The following EFTUD2 variants were observed in gnomAD, a reference collection of about 807,000 sequenced individuals.
EFTUD2 encodes the protein elongation factor Tu GTP binding domain containing 2.
A neutral mutation model predicts 114.3 loss-of-function variants in EFTUD2; 9 were observed. That is an observed-to-expected ratio of 0.08 (90% CI 0.05 to 0.14). The LOEUF is 0.14. EFTUD2 is among the 10% of genes least tolerant of loss of function. The pLI, the probability that EFTUD2 is intolerant of heterozygous loss-of-function variation, is 1.00. For missense variants in EFTUD2, 765 were observed against 1,241.2 expected, an observed-to-expected ratio of 0.62 and a Z score of 5.76; for synonymous variants, 449 against 462.3, an observed-to-expected ratio of 0.97 and a Z score of 0.37.
intron 6 of EFTUD2, among the ~76,000 whole-genome samples, chr17:44,882,293 C>T (rs1386479627): frequency 1.3e-5 from 2 of 151,728 alleles, no homozygotes; most frequent in Admixed American, 6.6e-5. Flanking sequence ...ACTCAGTCGC[C>T]CAGACTAGAG....
In EFTUD2 at chr17:44,853,522, G is replaced by A; in HGVS notation, c.2461C>T (p.Leu821Phe). The change falls in exon 24 of 28, where the codon CTC becomes TTC. Residue 821 changes from leucine (L) to phenylalanine (F), a missense_variant. Physicochemically the swap from Leu to Phe is conservative, Grantham distance 22. Around this residue, in one of 6 missense-constraint regions of EFTUD2, gnomAD observed 166 missense variants for 401.5 expected, o/e 0.41. Coordinates refer to ENST00000426333, the MANE Select transcript of EFTUD2 (RefSeq NM_004247.4). ...CTACCGCCCCATTCTCTTACCATGA[G>A]GAAGGCAGAGTAGACGACTCTCCTG... Reference protein sequence around the residue: ...TARRVVYSAFLMATPRLMEPY... With the variant: ...TARRVVYSAFFMATPRLMEPY... 6.2e-7 allele frequency: 1 copy of A among 1,614,206 alleles called. No individual in the cohort carries two copies. Among genetic ancestry groups the A allele is most frequent in the Non-Finnish European group, 8.5e-7 (1 of 1,180,018 alleles).
At position 44,864,974 on chromosome 17, in the gene EFTUD2, G is replaced by A. The variant is rs1357920502; in HGVS notation, c.1241C>T (p.Pro414Leu). The change falls in exon 14 of 28, where the codon CCC becomes CTC. Residue 414 changes from proline (P) to leucine (L), a missense_variant. Coordinates refer to ENST00000426333, the MANE Select transcript of EFTUD2 (RefSeq NM_004247.4). ...CTTTTTGCAGACCAGCCTGAGCAAG[G>A]GGCGGATGTTCAGCTTCAGCTCCTC... ...TKEELKLNIR[P>L]LLRLVCKKFF... 1.2e-6 allele frequency: 2 copies of A among 1,614,038 alleles called. No homozygotes were observed. Among genetic ancestry groups the A allele is most frequent in the African/African-American group, 1.3e-5 (1 of 74,894 alleles).
chr17:44,853,150 C>G (rs1445263510), intron 25 of EFTUD2, 146 bp downstream of exon 25: 4 of 816,768 alleles, frequency 4.9e-6, no homozygotes, highest in African/African-American at 1.7e-5. Flanking sequence ...TCCCTCCGCT[C>G]CTACTTCTTT....
At position 44,851,307 on chromosome 17, in the gene EFTUD2, G is replaced by T; in HGVS notation, c.2886C>A (p.Ala962=). Residue 962 remains alanine (A), a synonymous_variant, in exon 28 of 28, where the codon GCC becomes GCA. Transcript: ENST00000426333. ...GGTAATTGAGCACAACATCCTGTTT[G>T]GCAAGTTCCAGCAACATAGGATCAT... ...FFDDPMLLEL[A]KQDVVLNYPM is the part of the protein sequence containing the mutation. 1.9e-6 allele frequency: 3 copies of T among 1,614,158 alleles called. No individual in the cohort carries two copies. In the South Asian group the frequency reaches 3.3e-5, roughly 18 times the overall value.
rs1291275035 is a variant in EFTUD2 at position 44,867,869 on chromosome 17, T to C, written c.1087A>G (p.Ser363Gly). Reference protein sequence around the residue: ...TRKFTKKAPTSSSQRSFVEFI... With the variant: ...TRKFTKKAPTGSSQRSFVEFI... ...TCCACGAAACTTCTCTGGGAGCTGC[T>C]AGTTGGGGCCTTTTTGGTGAACTTT... is the stretch of plus-strand genomic sequence containing the variant. The change falls in exon 13 of 28, where the codon AGC becomes GGC. Residue 363 changes from serine to glycine, a missense_variant. This residue lies in a region of EFTUD2 where 251 missense variants were observed against 357.7 expected (regional missense o/e 0.70). Transcript: ENST00000426333. 6.2e-7 allele frequency: 1 copy of C among 1,604,694 alleles called. No individual in the cohort carries two copies. Among genetic ancestry groups the C allele is most frequent in the Admixed American group, 1.7e-5 (1 of 58,838 alleles).
intron 16 of EFTUD2, among the ~76,000 whole-genome samples, chr17:44,862,328 A>G (rs1382345537): frequency 2.0e-5 from 3 of 152,050 alleles, no homozygotes; most frequent in Non-Finnish European, 2.9e-5. Flanking sequence ...CCAGCTACTC[A>G]GGAGGCTGAG....
At chr17:44,884,124 C>T (rs902769593) in intron 4 of EFTUD2, 2 of 184,748 alleles carry the variant, frequency 1.1e-5, no homozygotes, top group South Asian at 1.1e-4. Flanking sequence ...AAAATTAGGC[C>T]GGGAGCAGAG....
At chr17:44,891,378 C>T (rs964202750) in intron 2 of EFTUD2, among the ~76,000 whole-genome samples, 1 of 152,168 alleles carries the variant, frequency 6.6e-6, no homozygotes, top group Non-Finnish European at 1.5e-5. Flanking sequence ...TTCATAGGGT[C>T]TCACTCTGTT....
At chr17:44,870,244 T>C (rs986346426) in intron 11 of EFTUD2, among the ~76,000 whole-genome samples, 6 of 152,208 alleles carry the variant, frequency 3.9e-5, no homozygotes, top group African/African-American at 9.7e-5. Flanking sequence ...TCAATCAAAA[T>C]TGGAATCATC....
chr17:44,872,742 T>G (rs2050878547), intron 10 of EFTUD2, 172 bp from the exon 11 acceptor site: 1 of 641,898 alleles, frequency 1.6e-6, no homozygotes, highest in Non-Finnish European at 2.4e-6. Flanking sequence ...ATGATGGAGC[T>G]GTTCCCCTAA....
rs924580905 is a variant in EFTUD2, at chr17:44,868,164, A to C, written c.1058+123T>G. ...ACCCATTTAGGGGAGGAAAGACGGT[A>C]GTTTACATTAAAAAAAAAAAAAAAA... is the stretch of plus-strand genomic sequence containing the variant. On this transcript the variant is annotated intron_variant, in intron 12 of 27. Transcript: ENST00000426333. 1.7e-5 allele frequency: 16 copies of C among 918,926 alleles called. No individual in the cohort carries two copies. The African/African-American group carries it at 2.8e-4, about 16-fold the overall frequency. 56.9% of individuals were successfully genotyped at this position (918,926 alleles called of 1,614,324 possible).
intron 11 of EFTUD2, among the ~76,000 whole-genome samples, chr17:44,871,487 C>T (rs1014532257): frequency 2.0e-5 from 3 of 151,946 alleles, no homozygotes; most frequent in Admixed American, 1.3e-4. Context: ...TACACGTGCC[C>T]GCCACCACGC....
intron 11 of EFTUD2, among the ~76,000 whole-genome samples, chr17:44,869,505 G>A (rs1206972858): frequency 1.3e-5 from 2 of 152,092 alleles, no homozygotes; most frequent in Admixed American, 6.6e-5. Flanking sequence ...TTGCCATGTT[G>A]CCTAGGCTGG....
chr17:44,863,684 C>T lies in EFTUD2; in HGVS notation c.1384G>A (p.Gly462Ser), dbSNP rs372683375. The T allele has an allele frequency of 8.1e-6, 13 of 1,613,924 alleles. No individual in the cohort carries two copies. The highest frequency in any genetic ancestry group is 1.7e-5 in the Admixed American group (1 of 59,984). ...GGGTCACAGTCACTCATAGCCTCGC[C>T]GAGGTCGGAGTCCACACCACCGGTG... ...TYTGGVDSDLGEAMSDCDPDG... is the reference protein window; with the variant it reads ...TYTGGVDSDLSEAMSDCDPDG... Residue 462 changes from glycine (G) to serine (S), a missense_variant, in exon 15 of 28, where the codon GGC becomes AGC. This residue lies in a region of EFTUD2 where 59 missense variants were observed against 50.1 expected (regional missense o/e 1.18). Transcript: ENST00000426333.
intron 9 of EFTUD2, 62 bp downstream of exon 9, chr17:44,879,494 T>C (rs1374159105): frequency 1.3e-6 from 2 of 1,539,936 alleles, no homozygotes; most frequent in Non-Finnish European, 1.8e-6. Flanking sequence ...CTCTGGGTAT[T>C]GTTGCGGGGT....
intron 11 of EFTUD2, among the ~76,000 whole-genome samples, chr17:44,871,638 CA>C (rs1039201426): frequency 3.9e-5 from 6 of 152,060 alleles, no homozygotes; most frequent in African/African-American, 1.4e-4. Flanking sequence ...CGCGCCTGGC[CA>C]AAAAAGACTG....
intron 19 of EFTUD2, 92 bp downstream of exon 19, chr17:44,858,988 C>G: frequency 1.2e-6 from 1 of 866,518 alleles, no homozygotes; most frequent in Non-Finnish European, 2.0e-6. Flanking sequence ...CATGTACTCT[C>G]TCTTCCCTTG....
intron 11 of EFTUD2, among the ~76,000 whole-genome samples, chr17:44,870,331 C>T (rs888423442): frequency 1.3e-5 from 2 of 148,682 alleles, no homozygotes; most frequent in African/African-American, 4.9e-5. Flanking sequence ...ACACAAACTT[C>T]TACTGGAACC....
chr17:44,883,031 G>C (rs2051100831), intron 6 of EFTUD2, 62 bp downstream of exon 6: 1 of 1,525,056 alleles, frequency 6.6e-7, no homozygotes, highest in Non-Finnish European at 9.0e-7. Flanking sequence ...GGAAGGAGGA[G>C]AGAGACATCT....
Sources: allele counts gnomAD v4.1 joint callset (sites outside exome capture counted in the v4.1 genomes callset), GRCh38; gene constraint gnomAD v4.1.1; regional missense constraint gnomAD v4.1.1; transcripts MANE v1.5; gene names NCBI Gene and HGNC (gene_info 2026-07-23, HGNC 2026-07-21).